CAPZA2: variants seen among roughly 807,000 people sequenced by gnomAD.
CAPZA2 encodes the protein capping actin protein of muscle Z-line subunit alpha 2, also known as F-actin-capping protein subunit alpha-2.
Under a neutral mutation model 44.0 loss-of-function variants are expected in CAPZA2, and 13 were observed. That is an observed-to-expected ratio of 0.30 (90% CI 0.19 to 0.47). CAPZA2 has a LOEUF of 0.47. Ranked by LOEUF, CAPZA2 falls within the 20% of genes least tolerant of loss-of-function variation. The pLI is 1.00. For missense variants in CAPZA2, 244 were observed against 338.6 expected (o/e 0.72, Z 2.19); for synonymous variants, 94 against 108.2 (o/e 0.87, Z 0.81).
intron 1 of CAPZA2, among the ~76,000 whole-genome samples, chr7:116,876,823 G>C (rs1215615735): frequency 6.6e-6 from 1 of 152,232 alleles, no homozygotes; most frequent in African/African-American, 2.4e-5. Context: ...CAGCCCAGGA[G>C]AGAGGAGACA....
chr7:116,884,130 A>G (rs534304591), intron 1 of CAPZA2, among the ~76,000 whole-genome samples: 3 of 152,322 alleles, frequency 2.0e-5, no homozygotes, highest in South Asian at 2.1e-4. Context: ...GGCATGCACA[A>G]TGGCCTATAC....
intron 3 of CAPZA2, among the ~76,000 whole-genome samples, chr7:116,896,768 G>A (rs1796934123): frequency 1.3e-5 from 2 of 152,106 alleles, no homozygotes; most frequent in African/African-American, 2.4e-5. Flanking sequence ...TAAGAGCTCA[G>A]TAAGTATTTG....
intron 1 of CAPZA2, among the ~76,000 whole-genome samples, chr7:116,871,911 C>A (rs1796558050): frequency 6.6e-6 from 1 of 152,182 alleles, no homozygotes; most frequent in Admixed American, 6.5e-5. Context: ...ACATTAGAAT[C>A]AACTGGAGAG....
At chr7:116,878,986 C>T (rs1220252318) in intron 1 of CAPZA2, among the ~76,000 whole-genome samples, 1 of 151,816 alleles carries the variant, frequency 6.6e-6, no homozygotes, top group Non-Finnish European at 1.5e-5. Context: ...ATTAGCCGGG[C>T]ATGGTGGCAC....
chr7:116,902,855 A>G (rs958482424), intron 4 of CAPZA2, among the ~76,000 whole-genome samples: 1 of 152,126 alleles, frequency 6.6e-6, no homozygotes, highest in Non-Finnish European at 1.5e-5. Flanking sequence ...GACTACAGGC[A>G]CATGCCACCA....
At chr7:116,878,801 A>G (rs1796652798) in intron 1 of CAPZA2, among the ~76,000 whole-genome samples, 1 of 152,094 alleles carries the variant, frequency 6.6e-6, no homozygotes, top group Admixed American at 6.6e-5. Flanking sequence ...CTAACATATA[A>G]TCACTTGAAA....
intron 1 of CAPZA2, chr7:116,875,549 T>TA (rs1796609614): frequency 6.6e-6 from 1 of 151,826 alleles, no homozygotes; most frequent in Admixed American, 6.6e-5. Context: ...GTTTTTTTTT[T>TA]TTATTTTTTG....
intron 6 of CAPZA2, 110 bp from the exon 7 acceptor site, chr7:116,910,123 A>G (rs947060910): frequency 4.2e-6 from 3 of 720,042 alleles, no homozygotes; most frequent in African/African-American, 1.7e-5. Context: ...AATGTCCAGT[A>G]TTCATCCCCC....
intron 1 of CAPZA2, among the ~76,000 whole-genome samples, chr7:116,881,528 AGGAGATC>A (rs1367420537): frequency 2.0e-5 from 3 of 152,094 alleles, no homozygotes; most frequent in Non-Finnish European, 2.9e-5. Flanking sequence ...TCACGAGGTC[AGGAGATC>A]AAGACCATCC....
intron 1 of CAPZA2, among the ~76,000 whole-genome samples, chr7:116,879,835 G>T (rs1796669197): frequency 6.6e-6 from 1 of 152,058 alleles, no homozygotes; most frequent in African/African-American, 2.4e-5. Flanking sequence ...TCACCATTTT[G>T]AATAAATAGG....
chr7:116,904,132 A>G (rs1390248407), intron 4 of CAPZA2, 45 bp from the exon 5 acceptor site: 1 of 1,182,440 alleles, frequency 8.5e-7, no homozygotes. Context: ...CAATATTGAA[A>G]TGCTGTTTTT....
At chr7:116,897,119 T>C (rs1796937857) in intron 3 of CAPZA2, among the ~76,000 whole-genome samples, 1 of 152,132 alleles carries the variant, frequency 6.6e-6, no homozygotes, top group Admixed American at 6.6e-5. Flanking sequence ...CGTTTTATAT[T>C]ACGGGCAATA....
At chr7:116,916,210 C>A in intron 9 of CAPZA2, 88 bp downstream of exon 9, 5 of 1,331,606 alleles carry the variant, frequency 3.8e-6, no homozygotes, top group South Asian at 1.7e-5. Flanking sequence ...CTGAATTTTT[C>A]CATTGCATCA....
intron 1 of CAPZA2, 104 bp downstream of exon 1, chr7:116,862,754 GC>G: frequency 7.7e-7 from 1 of 1,296,566 alleles, no homozygotes; most frequent in Non-Finnish European, 1.1e-6. Flanking sequence ...CCCGCAGCTG[GC>G]CTTGCCCTCG....
intron 9 of CAPZA2, 64 bp from the exon 10 acceptor site, chr7:116,917,663 A>C: frequency 8.9e-7 from 1 of 1,123,454 alleles, no homozygotes; most frequent in Non-Finnish European, 1.4e-6. Flanking sequence ...GAAAACATCT[A>C]TGTGCTTTAT....
rs374086656 is a variant in CAPZA2 at position 116,898,799 on chromosome 7, G to A, written c.183G>A (p.Gln61=). 3.8e-6 allele frequency: 6 copies of A among 1,598,710 alleles called. No homozygotes were observed. Among genetic ancestry groups the A allele is most frequent in the African/African-American group, 1.3e-5 (1 of 74,538 alleles). The change falls in exon 4 of 10, where the codon CAG becomes CAA. Residue 61 remains glutamine (Q), a synonymous_variant. Transcript: ENST00000361183. The part of the protein sequence containing the change: ...AHAFAQYNLD[Q]FTPVKIEGYE... ...CATTTGCACAGTATAACTTGGACCA[G>A]TTTACTCCAGTAAAAATTGAAGGTT...
intron 8 of CAPZA2, among the ~76,000 whole-genome samples, chr7:116,913,050 C>G (rs1791618361): frequency 6.6e-6 from 1 of 152,044 alleles, no homozygotes; most frequent in South Asian, 2.1e-4. Flanking sequence ...AGCATCTTTT[C>G]TTGTGCTTAT....
At chr7:116,872,553 G>A (rs1247073778) in intron 1 of CAPZA2, among the ~76,000 whole-genome samples, 1 of 152,136 alleles carries the variant, frequency 6.6e-6, no homozygotes, top group African/African-American at 2.4e-5. Context: ...CCCATATTAA[G>A]ATAAATTCAC....
At chr7:116,913,861 A>G (rs1258034165) in intron 8 of CAPZA2, among the ~76,000 whole-genome samples, 1 of 134,410 alleles carries the variant, frequency 7.4e-6, no homozygotes, top group Non-Finnish European at 1.6e-5. Flanking sequence ...CAGTTTACCC[A>G]CCTTGGCCTC....
Sources: allele counts gnomAD v4.1 joint callset (sites outside exome capture counted in the v4.1 genomes callset), GRCh38; gene constraint gnomAD v4.1.1; transcripts MANE v1.5; gene names NCBI Gene and HGNC (gene_info 2026-07-23, HGNC 2026-07-21).